The following VTA1 variants were observed in gnomAD, a reference collection of about 807,000 sequenced individuals.
The protein encoded by VTA1 is vesicle trafficking 1.
VTA1 carries 24 observed loss-of-function variants against 36.9 expected under a neutral mutation model. The observed-to-expected ratio is 0.65, with a 90% confidence interval of 0.47 to 0.91. VTA1 has a LOEUF of 0.91. VTA1 is among the 40% of genes least tolerant of loss of function. VTA1 has a pLI of 0.00. For synonymous variants in VTA1, 142 were observed against 130.2 expected, an observed-to-expected ratio of 1.09 and a Z score of -0.62; for missense variants, 393 against 377.2, an observed-to-expected ratio of 1.04 and a Z score of -0.35.
Position 142,222,313 on chromosome 6 carries a change from G to A in VTA1, c.*3670G>A, listed in dbSNP as rs1402178594. 1 of 152,166 alleles carries A rather than the reference G, an allele frequency of 6.6e-6. No homozygotes were observed. The highest frequency in any genetic ancestry group is 2.4e-5 in the African/African-American group (1 of 41,424). The allele number at this position is 152,166 out of a possible 1,614,324, so 9.4% of individuals were successfully genotyped here. A position where few individuals can be genotyped will look rare whatever the true frequency, so the allele number is the denominator to read the frequency against. Reference sequence around the variant, plus strand: ...GTGTTTTGTCAATGCGGCAGAGGGAGAAGAAGAAATAAGGTTCTGCTGACA... The same window carrying A: ...GTGTTTTGTCAATGCGGCAGAGGGAAAAGAAGAAATAAGGTTCTGCTGACA... On this transcript the variant is annotated 3_prime_UTR_variant, in exon 8 of 8. Coordinates refer to ENST00000367630, the MANE Select transcript of VTA1 (RefSeq NM_016485.5).
At chr6:142,160,362 T>C (rs1477786916) in intron 1 of VTA1, among the ~76,000 whole-genome samples, 1 of 152,184 alleles carries the variant, frequency 6.6e-6, no homozygotes, top group Non-Finnish European at 1.5e-5. Context: ...TTCAACTTAT[T>C]GAACAGGTTT....
At chr6:142,164,913 T>A (rs966725383) in intron 1 of VTA1, among the ~76,000 whole-genome samples, 2 of 152,196 alleles carry the variant, frequency 1.3e-5, no homozygotes, top group African/African-American at 4.8e-5. Context: ...TAGACTAATA[T>A]CCCTGTCATC....
intron 1 of VTA1, among the ~76,000 whole-genome samples, 155 bp downstream of exon 1, chr6:142,147,554 C>A (rs1027126470): frequency 6.6e-6 from 1 of 152,192 alleles, no homozygotes; most frequent in African/African-American, 2.4e-5. Context: ...GTTCCCACCC[C>A]CTGGCAGTAG....
chr6:142,211,982 A>G (rs991175320), intron 7 of VTA1, among the ~76,000 whole-genome samples: 4 of 152,208 alleles, frequency 2.6e-5, no homozygotes, highest in Non-Finnish European at 4.4e-5. Context: ...CTACACACCT[A>G]TTAGAATGGC....
intron 5 of VTA1, among the ~76,000 whole-genome samples, chr6:142,195,285 ATC>A (rs57266777): frequency 0.38 from 57,737 of 151,736 alleles, 13,135 homozygotes; most frequent in Middle Eastern, 0.53. Flanking sequence ...TGTTCAGATC[ATC>A]TCTTTTTGGG....
At chr6:142,148,352 G>A (rs2114623580) in intron 1 of VTA1, among the ~76,000 whole-genome samples, 1 of 152,166 alleles carries the variant, frequency 6.6e-6, no homozygotes, top group East Asian at 1.9e-4. Context: ...CTTGGAATGT[G>A]CACCTTTTTC....
At chr6:142,200,824 T>G (rs1775670516) in intron 6 of VTA1, among the ~76,000 whole-genome samples, 1 of 151,970 alleles carries the variant, frequency 6.6e-6, no homozygotes. Flanking sequence ...AACTTAGAAC[T>G]TTTATAGAAT....
chr6:142,195,925 A>G (rs1360352144), intron 5 of VTA1, among the ~76,000 whole-genome samples: 2 of 152,092 alleles, frequency 1.3e-5, no homozygotes, highest in Non-Finnish European at 1.5e-5. Flanking sequence ...TAGTTTATCA[A>G]GATTTCTTTC....
chr6:142,194,795 T>C (rs1775516306), intron 5 of VTA1, among the ~76,000 whole-genome samples: 1 of 152,134 alleles, frequency 6.6e-6, no homozygotes, highest in Non-Finnish European at 1.5e-5. Context: ...GTTTTGTTTT[T>C]TGCCCTATGT....
intron 6 of VTA1, among the ~76,000 whole-genome samples, chr6:142,202,955 T>C (rs530105113): frequency 3.2e-4 from 49 of 152,082 alleles, no homozygotes; most frequent in Non-Finnish European, 6.3e-4. Flanking sequence ...GGAAAACAAT[T>C]AAGTGAGGTA....
At chr6:142,184,629 G>T (rs1775306346) in intron 4 of VTA1, among the ~76,000 whole-genome samples, 1 of 152,126 alleles carries the variant, frequency 6.6e-6, no homozygotes. Flanking sequence ...GGGCAGAAAG[G>T]AAACCATGTT....
chr6:142,167,983 C>T (rs1339123583), intron 2 of VTA1, among the ~76,000 whole-genome samples: 1 of 152,118 alleles, frequency 6.6e-6, no homozygotes, highest in African/African-American at 2.4e-5. Context: ...AAAATTCAAA[C>T]GTTTTCTGAA....
intron 5 of VTA1, among the ~76,000 whole-genome samples, chr6:142,195,352 C>G (rs1210901344): frequency 6.6e-6 from 1 of 151,880 alleles, no homozygotes; most frequent in Non-Finnish European, 1.5e-5. Flanking sequence ...TGAGGTAGTG[C>G]CATTTATTGG....
intron 4 of VTA1, among the ~76,000 whole-genome samples, chr6:142,172,721 A>G (rs1167981017): frequency 6.6e-6 from 1 of 152,224 alleles, no homozygotes. Flanking sequence ...ATACAGAGGT[A>G]ATATAAACAT....
At chr6:142,178,570 C>T (rs1314178120) in intron 4 of VTA1, among the ~76,000 whole-genome samples, 1 of 151,938 alleles carries the variant, frequency 6.6e-6, no homozygotes, top group Non-Finnish European at 1.5e-5. Flanking sequence ...ATGTAAAAGA[C>T]TATATATTTT....
Position 142,198,481 on chromosome 6 carries a change from C to T in VTA1, c.563C>T (p.Thr188Ile). 1 of 1,614,068 alleles carries T rather than the reference C, an allele frequency of 6.2e-7. No individual in the cohort carries two copies. The change falls in exon 6 of 8, where the codon ACT becomes ATT. Residue 188 changes from threonine to isoleucine, a missense_variant. Physicochemically the swap from Thr to Ile is moderately conservative, Grantham distance 89 (BLOSUM62 -1). Coordinates refer to ENST00000367630, the MANE Select transcript of VTA1 (RefSeq NM_016485.5). ...GATGCTGGAGCAGCCTCTCTGCCCA[C>T]TCAGCCAACTCAGCCATCATCATCT... ...NEDAGAASLP[T>I]QPTQPSSSST...
intron 1 of VTA1, among the ~76,000 whole-genome samples, chr6:142,156,802 C>G (rs1170555988): frequency 6.6e-6 from 1 of 152,124 alleles, no homozygotes; most frequent in Non-Finnish European, 1.5e-5. Flanking sequence ...ACAGGACATA[C>G]CAGTAGAAAA....
At chr6:142,188,213 ATTTC>A (rs1297173145) in intron 4 of VTA1, among the ~76,000 whole-genome samples, 2 of 85,020 alleles carry the variant, frequency 2.4e-5, no homozygotes, top group Admixed American at 1.2e-4. Context: ...CTAGCCCTCT[ATTTC>A]TTTATTTCTT....
intron 4 of VTA1, among the ~76,000 whole-genome samples, chr6:142,171,863 T>A (rs542394625): frequency 7.9e-4 from 120 of 152,304 alleles, no homozygotes; most frequent in African/African-American, 2.8e-3. Flanking sequence ...TATAAGGCAT[T>A]TTTGTAAAAG....
Sources: gnomAD v4.1 joint callset for allele counts (sites outside exome capture counted in the v4.1 genomes callset) on GRCh38, gnomAD v4.1.1 for gene constraint, MANE v1.5 for transcripts, NCBI Gene and HGNC (gene_info 2026-07-23, HGNC 2026-07-21) for gene names.